Variants in CDH13 observed in about 807,000 individuals in gnomAD.
CDH13 encodes cadherin-13.
Under a neutral mutation model 63.8 loss-of-function variants are expected in CDH13, and 24 were observed. The observed-to-expected ratio is 0.38, with a 90% CI of 0.27 to 0.53. The LOEUF is 0.53. Ranked by LOEUF, CDH13 falls within the 20% of genes least tolerant of loss-of-function variation. The pLI is 0.85. For synonymous variants in CDH13, 503 were observed against 355.3 expected (o/e 1.42, Z -4.67); for missense variants, 1,049 against 903.1 (o/e 1.16, Z -2.07).
chr16:83,334,321 T>C (rs1464476867), intron 5 of CDH13, among the ~76,000 whole-genome samples: 2 of 144,706 alleles, frequency 1.4e-5, no homozygotes, highest in African/African-American at 5.2e-5. Flanking sequence ...TCTCTCCCTA[T>C]CTCCCTCTCT....
intron 4 of CDH13, among the ~76,000 whole-genome samples, chr16:83,194,138 C>G (rs1466025903): frequency 6.6e-6 from 1 of 152,140 alleles, no homozygotes; most frequent in African/African-American, 2.4e-5. Flanking sequence ...AATGGTTTTT[C>G]TAAATTATAT....
intron 2 of CDH13, among the ~76,000 whole-genome samples, chr16:82,935,550 A>G (rs1035205031): frequency 6.6e-6 from 1 of 152,198 alleles, no homozygotes; most frequent in Non-Finnish European, 1.5e-5. Flanking sequence ...GAAAAAAGTA[A>G]AAAGGACCTA....
chr16:83,138,519 G>C (rs766598511), intron 4 of CDH13, among the ~76,000 whole-genome samples: 11 of 152,188 alleles, frequency 7.2e-5, no homozygotes, highest in South Asian at 2.1e-4. Context: ...ACGGGCGAGA[G>C]GGACGGTGGT....
At chr16:83,794,626 CAT>C (rs34550866) in intron 13 of CDH13, among the ~76,000 whole-genome samples, 32 of 148,826 alleles carry the variant, frequency 2.2e-4, no homozygotes, top group East Asian at 7.9e-4. Flanking sequence ...CTTAAGTCAA[CAT>C]ATATATATAT....
At chr16:82,771,471 A>C (rs562544065) in intron 1 of CDH13, among the ~76,000 whole-genome samples, 1 of 152,156 alleles carries the variant, frequency 6.6e-6, no homozygotes, top group African/African-American at 2.4e-5. Flanking sequence ...CAATTAATCT[A>C]TTCTGCCGTC....
intron 2 of CDH13, among the ~76,000 whole-genome samples, chr16:82,864,900 C>T (rs1289324224): frequency 6.6e-6 from 1 of 152,196 alleles, no homozygotes; most frequent in East Asian, 1.9e-4. Flanking sequence ...TAGCTGCTTC[C>T]TGGATACAAT....
At chr16:83,406,918 C>A (rs891587208) in intron 6 of CDH13, among the ~76,000 whole-genome samples, 3 of 152,166 alleles carry the variant, frequency 2.0e-5, no homozygotes, top group African/African-American at 7.2e-5. Flanking sequence ...TATACATTGT[C>A]CATAGCTACT....
rs116308521 is a variant in CDH13 at position 83,136,984 on chromosome 16, A to G, written c.483+11483A>G. ...TTACAAAATCTCTGAATGTTTAACA[A>G]TGGACTTCCATGAAGGAGTAGGGTT... On this transcript the variant is annotated intron_variant, in intron 4 of 13. Coordinates refer to ENST00000567109, the MANE Select transcript of CDH13 (RefSeq NM_001257.5). 4.4e-3 allele frequency among the ~76,000 whole-genome samples: 675 copies of G among 152,350 alleles called. 7 individuals are homozygous for G. Among genetic ancestry groups the G allele is most frequent in the African/African-American group, 0.015 (617 of 41,590 alleles).
intron 2 of CDH13, among the ~76,000 whole-genome samples, chr16:82,986,315 T>A (rs1203922955): frequency 6.6e-6 from 1 of 152,158 alleles, no homozygotes; most frequent in Non-Finnish European, 1.5e-5. Flanking sequence ...GTGACAAACC[T>A]TTGACATTTG....
chr16:83,784,135 A>G (rs1421938141), intron 13 of CDH13, among the ~76,000 whole-genome samples: 2 of 152,246 alleles, frequency 1.3e-5, no homozygotes, highest in Non-Finnish European at 2.9e-5. Flanking sequence ...GTTACCATCC[A>G]AAAGCCTTTT....
At chr16:83,119,316 A>T (rs1394114801) in intron 3 of CDH13, among the ~76,000 whole-genome samples, 1 of 152,026 alleles carries the variant, frequency 6.6e-6, no homozygotes, top group East Asian at 1.9e-4. Context: ...CATGTCTTGC[A>T]GCTACTCTTG....
intron 1 of CDH13, among the ~76,000 whole-genome samples, chr16:82,846,549 C>A (rs546096348): frequency 6.6e-6 from 1 of 152,070 alleles, no homozygotes; most frequent in Non-Finnish European, 1.5e-5. Flanking sequence ...GTAACTTGCT[C>A]AGGGTCACAT....
At chr16:83,240,572 G>C (rs537918176) in intron 5 of CDH13, among the ~76,000 whole-genome samples, 1 of 151,778 alleles carries the variant, frequency 6.6e-6, no homozygotes, top group Non-Finnish European at 1.5e-5. Flanking sequence ...CTTGAAAGAG[G>C]CATCAGAATT....
chr16:83,006,668 G>A (rs1355540255), intron 2 of CDH13, among the ~76,000 whole-genome samples: 3 of 152,098 alleles, frequency 2.0e-5, no homozygotes, highest in African/African-American at 7.2e-5. Flanking sequence ...GAAGTGAGCT[G>A]TACCTCCAAC....
At chr16:83,333,956 G>T (rs979242936) in intron 5 of CDH13, among the ~76,000 whole-genome samples, 3 of 152,174 alleles carry the variant, frequency 2.0e-5, no homozygotes, top group African/African-American at 7.2e-5. Flanking sequence ...TTGCAGTTCT[G>T]TAAGCTGAGA....
intron 5 of CDH13, among the ~76,000 whole-genome samples, chr16:83,246,481 C>G (rs1049967177): frequency 6.6e-6 from 1 of 152,068 alleles, no homozygotes; most frequent in Non-Finnish European, 1.5e-5. Context: ...GCTCTTAATC[C>G]TATCATTGGC....
intron 13 of CDH13, among the ~76,000 whole-genome samples, chr16:83,792,977 C>T (rs919712128): frequency 1.3e-5 from 2 of 152,156 alleles, no homozygotes; most frequent in Admixed American, 1.3e-4. Flanking sequence ...AAGTTCTTAG[C>T]AGAGGGCAGC....
chr16:83,511,871 C>A (rs1450983431), intron 7 of CDH13, among the ~76,000 whole-genome samples: 2 of 152,142 alleles, frequency 1.3e-5, no homozygotes, highest in African/African-American at 4.8e-5. Context: ...CCCTTCCTAG[C>A]TTTGAGGCCT....
At chr16:82,793,620 A>C (rs1038344072) in intron 1 of CDH13, among the ~76,000 whole-genome samples, 2 of 152,076 alleles carry the variant, frequency 1.3e-5, no homozygotes, top group Non-Finnish European at 2.9e-5. Context: ...CCCTGAAAGT[A>C]TTTTTATGCC....
Sources: allele counts gnomAD v4.1 joint callset (sites outside exome capture counted in the v4.1 genomes callset), GRCh38; gene constraint gnomAD v4.1.1; transcripts MANE v1.5; gene names NCBI Gene and HGNC (gene_info 2026-07-23, HGNC 2026-07-21).